Variants in TENM2 observed in about 807,000 individuals in gnomAD.
The protein encoded by TENM2 is teneurin transmembrane protein 2, also known as teneurin-2.
Under a neutral mutation model 245.2 loss-of-function variants are expected in TENM2, and 52 were observed. The ratio of observed to expected loss-of-function variants is 0.21; its 90% confidence interval spans 0.17 to 0.27. TENM2 has a LOEUF of 0.27. Among genes scored for constraint, TENM2 ranks in the 10% least tolerant of loss-of-function variants. The pLI, the probability that TENM2 is intolerant of heterozygous loss-of-function variation, is 1.00. For missense variants in TENM2, 3,046 were observed against 3,666.8 expected (o/e 0.83, Z 4.37); for synonymous variants, 1,363 against 1,438.9 (o/e 0.95, Z 1.19).
chr5:167,565,779 T>C (rs1773869814), intron 2 of TENM2, among the ~76,000 whole-genome samples: 2 of 152,218 alleles, frequency 1.3e-5, no homozygotes, highest in South Asian at 4.1e-4. Context: ...TATTGCACTA[T>C]ACTGCCTCTC....
At chr5:168,109,313 G>A (rs1221941282) in intron 9 of TENM2, among the ~76,000 whole-genome samples, 1 of 152,202 alleles carries the variant, frequency 6.6e-6, no homozygotes, top group Non-Finnish European at 1.5e-5. Context: ...TGATAAAATA[G>A]CGTAAGAAGA....
At chr5:167,950,901 T>G (rs547632057) in intron 3 of TENM2, among the ~76,000 whole-genome samples, 1 of 152,346 alleles carries the variant, frequency 6.6e-6, no homozygotes, top group South Asian at 2.1e-4. Flanking sequence ...TTGGAGGACA[T>G]GATTTAAAAT....
the TENM2 span, among the ~76,000 whole-genome samples, chr5:167,222,033 C>T: frequency 1.3e-5 from 2 of 152,222 alleles, no homozygotes; most frequent in East Asian, 3.9e-4. Context: ...TGAGATTATG[C>T]AATAAATACT....
At chr5:168,237,080 A>G (rs1253741763) in intron 25 of TENM2, among the ~76,000 whole-genome samples, 1 of 125,412 alleles carries the variant, frequency 8.0e-6, no homozygotes, top group African/African-American at 3.1e-5. Flanking sequence ...CAGTGGCACA[A>G]TCTCGGATCA....
At chr5:168,062,319 G>T in intron 7 of TENM2, 54 bp downstream of exon 9, 3 of 1,352,986 alleles carry the variant, frequency 2.2e-6, no homozygotes, top group Non-Finnish European at 3.2e-6. Context: ...ACGTATATAT[G>T]TGTGTGTGTA....
intron 4 of TENM2, among the ~76,000 whole-genome samples, chr5:167,977,858 C>T (rs556064574): frequency 6.6e-6 from 1 of 152,102 alleles, no homozygotes; most frequent in Admixed American, 6.5e-5. Context: ...TCTCCATGTC[C>T]CATGTTGGAA....
rs548058307 is a variant in TENM2, at chr5:167,491,030, A to T, written c.502+115557A>T. On this transcript the variant is annotated intron_variant, in intron 2 of 28. Transcript: ENST00000518659. ...TCATGTATTTGTCTAGGAATCAATC[A>T]CAGTGACACAAGGAATAAGCTATGA... Among the ~76,000 whole-genome samples, 34 of 152,304 alleles carry T rather than the reference A, an allele frequency of 2.2e-4. 1 individual carries two copies. The South Asian group carries it at 6.8e-3, about 31-fold the overall frequency.
the TENM2 span, among the ~76,000 whole-genome samples, chr5:167,021,392 A>G: frequency 3.3e-5 from 5 of 152,222 alleles, no homozygotes; most frequent in Non-Finnish European, 7.3e-5. Context: ...AAAATGCTAT[A>G]AAAAACTGTG....
At chr5:167,493,448 G>T (rs1383001664) in intron 2 of TENM2, among the ~76,000 whole-genome samples, 1 of 152,064 alleles carries the variant, frequency 6.6e-6, no homozygotes, top group African/African-American at 2.4e-5. Context: ...TTCTCTGAAG[G>T]CTTCATTGAT....
At chr5:167,417,122 T>C (rs540926331) in intron 2 of TENM2, among the ~76,000 whole-genome samples, 11 of 152,320 alleles carry the variant, frequency 7.2e-5, no homozygotes, top group Admixed American at 6.5e-4. Flanking sequence ...GAAACACTTC[T>C]TCAGTAATTC....
At chr5:167,989,298 G>GAGAGAGAGAGAT (rs772430462) in intron 4 of TENM2, among the ~76,000 whole-genome samples, 105 of 147,746 alleles carry the variant, frequency 7.1e-4, no homozygotes, top group African/African-American at 2.3e-3. Context: ...GAGAGAGAGA[G>GAGAGAGAGAGAT]AGATAGATAG....
chr5:168,225,118 G>C (rs1468151131), intron 23 of TENM2, among the ~76,000 whole-genome samples: 1 of 152,224 alleles, frequency 6.6e-6, no homozygotes, highest in Non-Finnish European at 1.5e-5. Flanking sequence ...ACTGCTGATG[G>C]TAAGGGAGTC....
intron 5 of TENM2, among the ~76,000 whole-genome samples, chr5:168,032,651 G>C (rs1787244354): frequency 6.6e-6 from 1 of 152,206 alleles, no homozygotes; most frequent in African/African-American, 2.4e-5. Context: ...TCAAGGCAGA[G>C]GCAGTGGGGA....
At chr5:167,265,242 G>T in the TENM2 span, among the ~76,000 whole-genome samples, 530 of 143,422 alleles carry the variant, frequency 3.7e-3, 7 homozygotes, top group African/African-American at 0.012. Context: ...CTGAGGCAGA[G>T]AATTGCTTGA....
chr5:167,602,217 G>C (rs1242527105), intron 2 of TENM2, among the ~76,000 whole-genome samples: 1 of 152,116 alleles, frequency 6.6e-6, no homozygotes, highest in Admixed American at 6.6e-5. Flanking sequence ...ACATTCCTCA[G>C]CTGCTTCTTG....
intron 15 of TENM2, 39 bp downstream of exon 17, chr5:168,195,334 C>T: frequency 1.3e-6 from 2 of 1,554,522 alleles, no homozygotes; most frequent in Non-Finnish European, 1.7e-6. Flanking sequence ...CTCAGGACCA[C>T]ACGTGTGTGC....
In TENM2 at chr5:168,055,722, G is replaced by A. The variant is rs115686894; in HGVS notation, c.1310-6338G>A. 5.6e-3 allele frequency among the ~76,000 whole-genome samples: 849 copies of A among 152,276 alleles called. 6 individuals carry two copies. Among genetic ancestry groups the A allele is most frequent in the African/African-American group, 0.02 (814 of 41,566 alleles). On this transcript the variant is annotated intron_variant, in intron 6 of 28. Coordinates refer to ENST00000518659, the Ensembl canonical transcript of TENM2. Reference sequence around the variant, plus strand: ...AAGTACTTACAGCTGATTTTAGGTAGCATCACAACAGACAGGACAGAAGGA... The same window carrying A: ...AAGTACTTACAGCTGATTTTAGGTAACATCACAACAGACAGGACAGAAGGA...
the TENM2 span, among the ~76,000 whole-genome samples, chr5:167,010,834 G>A: frequency 3.3e-5 from 5 of 152,144 alleles, no homozygotes; most frequent in Admixed American, 2.6e-4. Flanking sequence ...TTTCTTGGAC[G>A]AGTGATATTA....
the TENM2 span, among the ~76,000 whole-genome samples, chr5:167,157,109 T>C: frequency 2.0e-5 from 3 of 152,234 alleles, no homozygotes. Flanking sequence ...GATGCTGTGG[T>C]AATTTGGCAA....
Sources: allele counts gnomAD v4.1 joint callset (sites outside exome capture counted in the v4.1 genomes callset), GRCh38; gene constraint gnomAD v4.1.1; transcripts MANE v1.5; gene names NCBI Gene and HGNC (gene_info 2026-07-23, HGNC 2026-07-21).